PLXNC1: variants seen among roughly 807,000 people sequenced by gnomAD.
PLXNC1 encodes the protein plexin C1.
A neutral mutation model predicts 178.2 loss-of-function variants in PLXNC1; 75 were observed. The observed-to-expected ratio is 0.42, with a 90% CI of 0.35 to 0.51. The LOEUF (loss-of-function observed/expected upper bound fraction) is 0.51, where lower values mean the gene tolerates loss of function less well. Among genes scored for constraint, PLXNC1 ranks in the 20% least tolerant of loss-of-function variants. The pLI is 0.02. For missense variants in PLXNC1, 1,503 were observed against 1,984.4 expected, an observed-to-expected ratio of 0.76 and a Z score of 4.61; for synonymous variants, 790 against 779.9, an observed-to-expected ratio of 1.01 and a Z score of -0.22.
chr12:94,182,859 G>A (rs11107430), intron 3 of PLXNC1, among the ~76,000 whole-genome samples: 16,109 of 144,030 alleles, frequency 0.11, 984 homozygotes, highest in African/African-American at 0.13. Context: ...AAGAATATCT[G>A]TATCTATCTA....
At chr12:94,226,116 C>T (rs1963931020) in intron 7 of PLXNC1, among the ~76,000 whole-genome samples, 1 of 152,214 alleles carries the variant, frequency 6.6e-6, no homozygotes. Flanking sequence ...CACAATTCTT[C>T]CTTAATTTGA....
At position 94,186,488 on chromosome 12, in the gene PLXNC1, C is replaced by G; in HGVS notation, c.1439+15C>G. On this transcript the variant is annotated intron_variant, in intron 4 of 30. Transcript: ENST00000258526. Reference sequence around the variant, plus strand: ...TCGCTACAAAGGTATCTCCTGAATTCTTTCTCACCAACTCGCATTTTTGAA... The same window carrying G: ...TCGCTACAAAGGTATCTCCTGAATTGTTTCTCACCAACTCGCATTTTTGAA... The G allele has an allele frequency of 6.4e-7, 1 of 1,565,358 alleles. No homozygotes were observed.
At chr12:94,209,859 C>T (rs1963413990) in intron 5 of PLXNC1, among the ~76,000 whole-genome samples, 155 bp downstream of exon 5, 5 of 152,034 alleles carry the variant, frequency 3.3e-5, no homozygotes, top group Admixed American at 3.3e-4. Flanking sequence ...TATTGAGTGC[C>T]CACCAGATGC....
intron 4 of PLXNC1, among the ~76,000 whole-genome samples, chr12:94,187,908 G>C (rs2135969929): frequency 6.6e-6 from 1 of 152,194 alleles, no homozygotes; most frequent in East Asian, 1.9e-4. Flanking sequence ...TGATTGAGGA[G>C]AGAAGTTTGA....
chr12:94,163,113 G>C (rs61657387), intron 1 of PLXNC1, among the ~76,000 whole-genome samples: 58 of 152,140 alleles, frequency 3.8e-4, no homozygotes, highest in African/African-American at 1.4e-3. Flanking sequence ...CACCTGTAAT[G>C]CCAGCACTTT....
At chr12:94,284,132 G>A (rs1966668778) in intron 23 of PLXNC1, among the ~76,000 whole-genome samples, 1 of 148,760 alleles carries the variant, frequency 6.7e-6, no homozygotes, top group Non-Finnish European at 1.5e-5. Context: ...AATATCTCAA[G>A]CACTGGTCTT....
At chr12:94,189,837 A>G (rs1962658445) in intron 4 of PLXNC1, among the ~76,000 whole-genome samples, 1 of 152,164 alleles carries the variant, frequency 6.6e-6, no homozygotes. Flanking sequence ...CAAGGAACTG[A>G]GGTGGTTACC....
chr12:94,292,796 G>GT (rs1967480513), intron 23 of PLXNC1, among the ~76,000 whole-genome samples: 1 of 152,152 alleles, frequency 6.6e-6, no homozygotes, highest in Non-Finnish European at 1.5e-5. Flanking sequence ...TTTTCCACTT[G>GT]TGGCACCACG....
At chr12:94,177,553 A>G (rs576909877) in intron 2 of PLXNC1, among the ~76,000 whole-genome samples, 57 of 140,256 alleles carry the variant, frequency 4.1e-4, no homozygotes, top group African/African-American at 1.5e-3. Flanking sequence ...GAGAGAAAGA[A>G]AAAGAAAGAG....
intron 1 of PLXNC1, among the ~76,000 whole-genome samples, chr12:94,156,748 C>T (rs1288876231): frequency 6.7e-6 from 1 of 149,220 alleles, no homozygotes; most frequent in Non-Finnish European, 1.5e-5. Context: ...CACCCTGTCA[C>T]CTAGACTGGA....
At chr12:94,286,770 A>G (rs1966849084) in intron 23 of PLXNC1, among the ~76,000 whole-genome samples, 1 of 152,208 alleles carries the variant, frequency 6.6e-6, no homozygotes. Flanking sequence ...CTATCTAAAC[A>G]AAGTCCCTGC....
At chr12:94,178,516 C>A (rs974268484) in intron 2 of PLXNC1, among the ~76,000 whole-genome samples, 3 of 152,182 alleles carry the variant, frequency 2.0e-5, no homozygotes, top group Non-Finnish European at 4.4e-5. Flanking sequence ...TTTCCAGAAC[C>A]AGATCAACTG....
chr12:94,249,716 C>T (rs1436231949), intron 14 of PLXNC1, among the ~76,000 whole-genome samples: 1 of 152,094 alleles, frequency 6.6e-6, no homozygotes, highest in African/African-American at 2.4e-5. Flanking sequence ...AGTGTTCCCA[C>T]CTTTCCTGTT....
chr12:94,300,925 C>A lies in PLXNC1; in HGVS notation c.4254C>A (p.Phe1418Leu). The change falls in exon 28 of 31, where the codon TTC becomes TTA. Residue 1418 changes from phenylalanine (F) to leucine (L), a missense_variant. Transcript: ENST00000258526. Reference sequence around the variant, plus strand: ...CTTTGAACAGCCTTCCTCTTCGCTTCTGGGTAAACATCCTGAAGAACCCTC... The same window carrying A: ...CTTTGAACAGCCTTCCTCTTCGCTTATGGGTAAACATCCTGAAGAACCCTC... Reference protein sequence around the residue: ...IWKTNSLPLRFWVNILKNPQF... With the variant: ...IWKTNSLPLRLWVNILKNPQF... 6.2e-7 allele frequency: 1 copy of A among 1,612,810 alleles called. No homozygotes were observed. The highest frequency in any genetic ancestry group is 8.5e-7 in the Non-Finnish European group (1 of 1,179,072).
intron 23 of PLXNC1, among the ~76,000 whole-genome samples, chr12:94,290,841 C>T (rs1370712272): frequency 6.6e-6 from 1 of 152,220 alleles, no homozygotes; most frequent in Non-Finnish European, 1.5e-5. Context: ...GGAAAAGTCA[C>T]TTAGCTGATA....
chr12:94,299,518 C>T (rs1188455398), intron 27 of PLXNC1, among the ~76,000 whole-genome samples: 4 of 152,144 alleles, frequency 2.6e-5, no homozygotes, highest in African/African-American at 9.7e-5. Flanking sequence ...CCAGGCCTAT[C>T]CCAATTCTCT....
At chr12:94,156,679 C>T (rs191181984) in intron 1 of PLXNC1, among the ~76,000 whole-genome samples, 4 of 150,912 alleles carry the variant, frequency 2.7e-5, no homozygotes, top group Admixed American at 6.6e-5. Flanking sequence ...AATATGGTTC[C>T]TGGAGGAGAG....
Position 94,298,897 on chromosome 12 carries a change from A to G in PLXNC1, c.4238+102A>G, listed in dbSNP as rs1968194904. On this transcript the variant is annotated intron_variant, in intron 27 of 30. Coordinates refer to ENST00000258526, the MANE Select transcript of PLXNC1 (RefSeq NM_005761.3). ...TATAGAAGGATTCATTTATCTCTAT[A>G]TCAGAATCTTTGGGCTTGGTAAGCT... The G allele has an allele frequency of 4.4e-6, 5 of 1,145,212 alleles. No individual in the cohort carries two copies. In the East Asian group the frequency reaches 7.7e-5, roughly 18 times the overall value. The allele number at this position is 1,145,212 out of a possible 1,614,324, so 70.9% of individuals were successfully genotyped here.
rs1371936823 is a variant in PLXNC1, at chr12:94,248,406, A to G, written c.2772A>G (p.Lys924=). Residue 924 remains lysine, a synonymous_variant, in exon 14 of 31, where the codon AAA becomes AAG. Transcript: ENST00000258526. ...GCACCATTGCCAACTCTTCTAAGAAAGTTCGGGTAAGTGACCTGGCAGTCC... is the reference window on the plus strand; with the variant it reads ...GCACCATTGCCAACTCTTCTAAGAAGGTTCGGGTAAGTGACCTGGCAGTCC... ...TASTIANSSK[K]VRVKLGNLEL... The G allele has an allele frequency of 1.3e-6, 2 of 1,597,688 alleles. No individual in the cohort carries two copies. The highest frequency in any genetic ancestry group is 4.5e-5 in the East Asian group (2 of 44,700).
Sources: gnomAD v4.1 joint callset for allele counts (sites outside exome capture counted in the v4.1 genomes callset) on GRCh38, gnomAD v4.1.1 for gene constraint, MANE v1.5 for transcripts, NCBI Gene and HGNC (gene_info 2026-07-23, HGNC 2026-07-21) for gene names.